The following MIER2 variants were observed in gnomAD, a reference collection of about 807,000 sequenced individuals.
MIER2 encodes the protein MIER family member 2.
Under a neutral mutation model 67.6 loss-of-function variants are expected in MIER2, and 30 were observed. The observed-to-expected ratio is 0.44, with a 90% CI of 0.33 to 0.60. The LOEUF (loss-of-function observed/expected upper bound fraction) is 0.60. Ranked by LOEUF, MIER2 falls within the 20% of genes least tolerant of loss-of-function variation. The probability of loss-of-function intolerance (pLI) is 0.02; values close to 1 mark genes in which losing one functional copy is unlikely to be tolerated. For synonymous variants in MIER2, 372 were observed against 312.6 expected (o/e 1.19, Z -2.00); for missense variants, 702 against 745.1 (o/e 0.94, Z 0.67).
intron 7 of MIER2, among the ~76,000 whole-genome samples, chr19:314,559 G>A (rs1021397029): frequency 3.9e-5 from 6 of 152,128 alleles, no homozygotes; most frequent in Non-Finnish European, 8.8e-5. Flanking sequence ...CTCCACTGCC[G>A]GGGGCTGACG....
chr19:342,516 G>A (rs1004617802), intron 1 of MIER2, among the ~76,000 whole-genome samples: 3 of 151,576 alleles, frequency 2.0e-5, no homozygotes, highest in Admixed American at 2.0e-4. Context: ...GACTCAGCAA[G>A]GAGGAGCATT....
chr19:318,225 T>C (rs1480324385), intron 7 of MIER2, among the ~76,000 whole-genome samples: 1 of 151,908 alleles, frequency 6.6e-6, no homozygotes, highest in African/African-American at 2.4e-5. Flanking sequence ...TTACAGAAAA[T>C]ACACTTCAAA....
chr19:336,590 T>C (rs1033311715), intron 1 of MIER2, among the ~76,000 whole-genome samples: 4 of 151,880 alleles, frequency 2.6e-5, no homozygotes, highest in African/African-American at 9.7e-5. Flanking sequence ...ACAGACAGAA[T>C]GGGGGCTCGT....
chr19:307,186 C>T lies in MIER2; in HGVS notation c.1549G>A (p.Val517Met), dbSNP rs766928314. 9 of 1,589,100 alleles carry T rather than the reference C, an allele frequency of 5.7e-6. No individual in the cohort carries two copies. Among genetic ancestry groups the T allele is most frequent in the Middle Eastern group, 1.7e-4 (1 of 6,052 alleles). Residue 517 changes from valine (V) to methionine (M), a missense_variant, in exon 13 of 14, where the codon GTG becomes ATG. By Grantham distance (21) the Val-to-Met change is conservative. Transcript: ENST00000264819. ...GGGTGGGCGGCCAGGAAGGGGTTCA[C>T]GTCCCCAATGCCGATGAGTCCAAAC... ...TEFGLIGIGDVNPFLAAHPTC... is the reference protein window; with the variant it reads ...TEFGLIGIGDMNPFLAAHPTC...
At chr19:336,622 G>A (rs1275299653) in intron 1 of MIER2, among the ~76,000 whole-genome samples, 1 of 152,202 alleles carries the variant, frequency 6.6e-6, no homozygotes, top group Admixed American at 6.5e-5. Flanking sequence ...GCCAGGGAGA[G>A]AGACAGTGGG....
intron 8 of MIER2, 100 bp downstream of exon 8, chr19:313,392 C>G: frequency 6.5e-7 from 1 of 1,526,998 alleles, no homozygotes; most frequent in Non-Finnish European, 8.8e-7. Context: ...CCCCTGCCCT[C>G]CCCTCTGCCC....
Position 308,468 on chromosome 19 carries a change from C to A in MIER2, c.1198+109G>T, listed in dbSNP as rs1031048244. The A allele has an allele frequency of 8.3e-7, 1 of 1,206,986 alleles. No individual in the cohort carries two copies. The highest frequency in any genetic ancestry group is 1.5e-5 in the South Asian group (1 of 67,992). The allele number at this position is 1,206,986 out of a possible 1,614,324, so 74.8% of individuals were successfully genotyped here. A position where few individuals can be genotyped will look rare whatever the true frequency, so the allele number is the denominator to read the frequency against. On this transcript the variant is annotated intron_variant, in intron 12 of 13. Coordinates refer to ENST00000264819, the MANE Select transcript of MIER2 (RefSeq NM_017550.3). This position sits in a 1 kb window ranked among gnomAD's most constrained non-coding sequence, Gnocchi z 9.1. Reference sequence around the variant, plus strand: ...CCACCCAGACGCCCACTCCTCCTGGCGAGGCTGGCCCAGCACAGGGCGCCA... The same window carrying A: ...CCACCCAGACGCCCACTCCTCCTGGAGAGGCTGGCCCAGCACAGGGCGCCA...
rs1419688112 is a variant in MIER2, at chr19:344,759, G to A, written c.9+15C>T. On this transcript the variant is annotated intron_variant, in intron 1 of 13. Transcript: ENST00000264819. Reference sequence around the variant, plus strand: ...GCGGGGGCGGGGGGCCGGCTCCCCCGGCCCGCTCACTCACCTCCGCCATGG... The same window carrying A: ...GCGGGGGCGGGGGGCCGGCTCCCCCAGCCCGCTCACTCACCTCCGCCATGG... 7 of 1,181,282 alleles carry A rather than the reference G, an allele frequency of 5.9e-6. No homozygotes were observed. Among genetic ancestry groups the A allele is most frequent in the East Asian group, 7.4e-5 (2 of 27,150 alleles). The allele number at this position is 1,181,282 out of a possible 1,614,324, so 73.2% of individuals were successfully genotyped here.
At chr19:334,247 C>A (rs1055864311) in intron 3 of MIER2, 153 bp downstream of exon 3, 131 of 1,127,096 alleles carry the variant, frequency 1.2e-4, no homozygotes, top group Middle Eastern at 4.3e-4. Flanking sequence ...CTGGTCTCCA[C>A]TGAATTTCAG....
chr19:322,288 G>T (rs1358205502), intron 7 of MIER2, among the ~76,000 whole-genome samples: 1 of 152,112 alleles, frequency 6.6e-6, no homozygotes, highest in Non-Finnish European at 1.5e-5. Context: ...AAGAAACGTG[G>T]AAGAATATCT....
intron 13 of MIER2, 60 bp from the exon 14 acceptor site, chr19:306,771 C>G: frequency 6.4e-7 from 1 of 1,550,990 alleles, no homozygotes; most frequent in Non-Finnish European, 8.7e-7. Flanking sequence ...CGTGCCTGCA[C>G]AGCCCAGTGC....
At chr19:325,544 A>G (rs1369422298) in intron 7 of MIER2, 91 bp downstream of exon 7, 22 of 1,446,848 alleles carry the variant, frequency 1.5e-5, no homozygotes, top group Non-Finnish European at 2.0e-5. Context: ...CGGGGCGGGG[A>G]CCTGACCAGA....
intron 7 of MIER2, among the ~76,000 whole-genome samples, chr19:321,496 T>C (rs905064892): frequency 6.6e-6 from 1 of 151,958 alleles, no homozygotes; most frequent in Non-Finnish European, 1.5e-5. Flanking sequence ...AATACAAAAA[T>C]GAGCCAGGCG....
intron 3 of MIER2, among the ~76,000 whole-genome samples, chr19:331,424 T>C (rs554823708): frequency 6.6e-6 from 1 of 150,786 alleles, no homozygotes; most frequent in Non-Finnish European, 1.5e-5. Flanking sequence ...TCCCAACACT[T>C]TGGGAGACCT....
intron 1 of MIER2, chr19:344,455 A>G: frequency 1.1e-6 from 1 of 874,054 alleles, no homozygotes; most frequent in Non-Finnish European, 1.4e-6. Context: ...CCGCGCGCCC[A>G]CCGGACCCCC....
At chr19:321,503 G>C (rs1259134391) in intron 7 of MIER2, among the ~76,000 whole-genome samples, 1 of 152,104 alleles carries the variant, frequency 6.6e-6, no homozygotes, top group African/African-American at 2.4e-5. Flanking sequence ...AAATGAGCCA[G>C]GCGTGGTGGC....
In MIER2 at chr19:308,350, C is replaced by G. The variant is rs781366397; in HGVS notation, c.1198+227G>C. 2.0e-4 allele frequency among the ~76,000 whole-genome samples: 30 copies of G among 152,206 alleles called. No homozygotes were observed. Among genetic ancestry groups the G allele is most frequent in the Non-Finnish European group, 4.1e-4 (28 of 68,016 alleles). On this transcript the variant is annotated intron_variant, in intron 12 of 13. Transcript: ENST00000264819. The surrounding 1 kb of genome is among the most constrained non-coding windows in gnomAD (Gnocchi z 9.1). ...CCCAGCAGTGGGGCCACATGCACCC[C>G]TCCAGCAAGCCCAGAGGGTAAGCGT...
intron 3 of MIER2, among the ~76,000 whole-genome samples, chr19:328,614 G>A (rs1170373806): frequency 1.3e-5 from 2 of 152,092 alleles, no homozygotes; most frequent in Non-Finnish European, 2.9e-5. Context: ...TGTGCTTGGT[G>A]GCATCCACCT....
intron 6 of MIER2, among the ~76,000 whole-genome samples, chr19:325,993 C>T (rs1971722008): frequency 6.6e-6 from 1 of 152,208 alleles, no homozygotes; most frequent in African/African-American, 2.4e-5. Context: ...GGCTCCGGTC[C>T]AAAGCACCTG....
Sources: gnomAD v4.1 joint callset for allele counts (sites outside exome capture counted in the v4.1 genomes callset) on GRCh38, gnomAD v4.1.1 for gene constraint, Gnocchi (gnomAD v3.1) non-coding constraint, MANE v1.5 for transcripts, NCBI Gene and HGNC (gene_info 2026-07-23, HGNC 2026-07-21) for gene names.